Variants in PTPRM observed in about 807,000 individuals in gnomAD.
PTPRM encodes the protein protein tyrosine phosphatase receptor type M, also known as receptor-type tyrosine-protein phosphatase mu.
In PTPRM, 47 loss-of-function variants were observed where a neutral mutation model predicts 186.7. That is an observed-to-expected ratio of 0.25 (90% CI 0.20 to 0.32). The LOEUF is 0.32. Among genes scored for constraint, PTPRM ranks in the 10% least tolerant of loss-of-function variants. The pLI, the probability that PTPRM is intolerant of heterozygous loss-of-function variation, is 1.00. For missense variants in PTPRM, 1,494 were observed against 1,865.0 expected, an observed-to-expected ratio of 0.80 and a Z score of 3.66; for synonymous variants, 668 against 674.9, an observed-to-expected ratio of 0.99 and a Z score of 0.16.
At chr18:8,193,255 G>A (rs2093732109) in intron 14 of PTPRM, among the ~76,000 whole-genome samples, 1 of 152,156 alleles carries the variant, frequency 6.6e-6, no homozygotes, top group African/African-American at 2.4e-5. Flanking sequence ...GGGTATTCAG[G>A]TGTGTGTTAT....
chr18:8,172,044 G>A (rs922044238), intron 14 of PTPRM, among the ~76,000 whole-genome samples: 10 of 152,210 alleles, frequency 6.6e-5, no homozygotes, highest in Non-Finnish European at 1.3e-4. Flanking sequence ...TTGTAAAGTC[G>A]GAAAATCATA....
chr18:8,046,982 G>C (rs946854182), intron 7 of PTPRM, among the ~76,000 whole-genome samples: 7 of 152,156 alleles, frequency 4.6e-5, no homozygotes, highest in South Asian at 2.1e-4. Context: ...AACTTCAAGT[G>C]ACCACTAGAC....
intron 5 of PTPRM, among the ~76,000 whole-genome samples, chr18:7,938,645 A>G (rs138166025): frequency 6.6e-6 from 1 of 152,302 alleles, no homozygotes; most frequent in Non-Finnish European, 1.5e-5. Flanking sequence ...GGTATATTCT[A>G]TATTATTTGG....
intron 2 of PTPRM, among the ~76,000 whole-genome samples, chr18:7,800,682 G>A (rs537266564): frequency 5.8e-4 from 89 of 152,258 alleles, no homozygotes; most frequent in African/African-American, 2.0e-3. Flanking sequence ...TCTTTTAATA[G>A]CAGGGATACA....
At chr18:7,855,716 G>T (rs1359182541) in intron 2 of PTPRM, among the ~76,000 whole-genome samples, 1 of 152,184 alleles carries the variant, frequency 6.6e-6, no homozygotes, top group Non-Finnish European at 1.5e-5. Context: ...TGAAATTCCA[G>T]TTTATTATTT....
At chr18:7,992,316 A>G (rs968710140) in intron 7 of PTPRM, among the ~76,000 whole-genome samples, 9 of 152,292 alleles carry the variant, frequency 5.9e-5, no homozygotes, top group East Asian at 1.9e-4. Context: ...AAATCTTACT[A>G]CAATCAAGTA....
At chr18:7,838,419 AGGTACCACTTTAGTGGTCT>A (rs2046162428) in intron 2 of PTPRM, among the ~76,000 whole-genome samples, 1 of 152,212 alleles carries the variant, frequency 6.6e-6, no homozygotes, top group Admixed American at 6.5e-5. Context: ...GATATCATAG[AGGTACCACTTTAGTGGTCT>A]TGGACAAGAT....
Position 7,961,180 on chromosome 18 carries a change from T to C in PTPRM, c.1132+5766T>C, listed in dbSNP as rs1216536756. The stretch of plus-strand genomic sequence containing the variant: ...TTATTTTTAAATGTACAATTATTAT[T>C]GACTCTTGTCACCCTATTGTGCTAT... On this transcript the variant is annotated intron_variant, in intron 7 of 32. Transcript: ENST00000580170. 3.9e-5 allele frequency among the ~76,000 whole-genome samples: 6 copies of C among 152,328 alleles called. No homozygotes were observed. The East Asian group carries it at 1.2e-3, about 29-fold the overall frequency.
chr18:7,587,570 C>A (rs1207497118), intron 1 of PTPRM, among the ~76,000 whole-genome samples: 2 of 152,008 alleles, frequency 1.3e-5, no homozygotes, highest in Non-Finnish European at 2.9e-5. Context: ...GGAAGTAGAC[C>A]AAGAGGCTTT....
intron 14 of PTPRM, among the ~76,000 whole-genome samples, chr18:8,183,662 G>A (rs1031496256): frequency 1.3e-5 from 2 of 152,110 alleles, no homozygotes; most frequent in Admixed American, 6.6e-5. Flanking sequence ...GTTAACCAAT[G>A]GGAGGAATAA....
intron 14 of PTPRM, among the ~76,000 whole-genome samples, chr18:8,182,492 A>G (rs2093589417): frequency 1.3e-5 from 2 of 152,252 alleles, no homozygotes; most frequent in African/African-American, 4.8e-5. Flanking sequence ...CACACTAGTG[A>G]TAGTACCCTT....
intron 19 of PTPRM, among the ~76,000 whole-genome samples, chr18:8,272,120 G>A (rs1439325304): frequency 6.6e-6 from 1 of 151,176 alleles, no homozygotes; most frequent in South Asian, 2.1e-4. Context: ...GAGGAGAATC[G>A]CTTGAACCTG....
chr18:7,718,450 A>G (rs1290869853), intron 1 of PTPRM, among the ~76,000 whole-genome samples: 1 of 152,250 alleles, frequency 6.6e-6, no homozygotes, highest in Non-Finnish European at 1.5e-5. Flanking sequence ...ACCTGAAACC[A>G]TAAGCATTCT....
chr18:8,214,350 A>G (rs1283865849), intron 14 of PTPRM, among the ~76,000 whole-genome samples: 1 of 152,206 alleles, frequency 6.6e-6, no homozygotes, highest in Non-Finnish European at 1.5e-5. Context: ...TTGGTGTTGT[A>G]TCTATAGCAA....
chr18:8,044,531 C>A (rs547930888), intron 7 of PTPRM, among the ~76,000 whole-genome samples: 43 of 151,834 alleles, frequency 2.8e-4, no homozygotes, highest in Non-Finnish European at 2.9e-5. Context: ...CCAAAGCGGG[C>A]GGATCACCTG....
At chr18:8,024,807 C>T (rs367814723) in intron 7 of PTPRM, among the ~76,000 whole-genome samples, 1 of 151,718 alleles carries the variant, frequency 6.6e-6, no homozygotes, top group Non-Finnish European at 1.5e-5. Flanking sequence ...CCTCAGCCCC[C>T]CAAGTAGCTG....
chr18:7,900,239 C>G (rs143769996), intron 3 of PTPRM, among the ~76,000 whole-genome samples: 3,090 of 152,268 alleles, frequency 0.02, 44 homozygotes, highest in Middle Eastern at 0.041. Flanking sequence ...AATGAATAAA[C>G]GTGGCTTTGT....
chr18:7,700,557 C>G (rs1568037681), intron 1 of PTPRM, among the ~76,000 whole-genome samples: 1 of 152,194 alleles, frequency 6.6e-6, no homozygotes, highest in Non-Finnish European at 1.5e-5. Context: ...TAGGGAAACC[C>G]TGGGCTAAGA....
chr18:8,376,465 T>C lies in PTPRM; in HGVS notation c.3330T>C (p.Ala1110=). ...ACAGACCCCCCTTTTCATTCAGTGC[T>C]GGTGCAGGGAGGACTGGCTGTTTCA... ...SAGPLVVHCS[A]GAGRTGCFIV... Residue 1110 remains alanine, a synonymous_variant, in exon 26 of 33, where the codon GCT becomes GCC. Transcript: ENST00000580170. The C allele has an allele frequency of 6.2e-7, 1 of 1,614,184 alleles. No individual in the cohort carries two copies. Among genetic ancestry groups the C allele is most frequent in the Non-Finnish European group, 8.5e-7 (1 of 1,180,010 alleles).
Sources: gnomAD v4.1 joint callset for allele counts (sites outside exome capture counted in the v4.1 genomes callset) on GRCh38, gnomAD v4.1.1 for gene constraint, MANE v1.5 for transcripts, NCBI Gene and HGNC (gene_info 2026-07-23, HGNC 2026-07-21) for gene names.